KSR2: variants seen among roughly 807,000 people sequenced by gnomAD.
KSR2 encodes kinase suppressor of ras 2.
A neutral mutation model predicts 107.8 loss-of-function variants in KSR2; 25 were observed. That is an observed-to-expected ratio of 0.23 (90% CI 0.17 to 0.32). The LOEUF (loss-of-function observed/expected upper bound fraction) is 0.32, where lower values mean the gene tolerates loss of function less well. Among genes scored for constraint, KSR2 ranks in the 10% least tolerant of loss-of-function variants. The probability of loss-of-function intolerance (pLI) is 1.00; values close to 1 mark genes in which losing one functional copy is unlikely to be tolerated. For synonymous variants in KSR2, 480 were observed against 507.0 expected, an observed-to-expected ratio of 0.95 and a Z score of 0.71; for missense variants, 887 against 1,268.9, an observed-to-expected ratio of 0.70 and a Z score of 4.57.
chr12:117,738,076 A>G (rs1031767339), intron 4 of KSR2, among the ~76,000 whole-genome samples: 3 of 152,166 alleles, frequency 2.0e-5, no homozygotes, highest in Admixed American at 6.5e-5. Context: ...GTTATTGGGC[A>G]GAAGACAACA....
At chr12:117,911,417 A>G (rs1180177304) in intron 1 of KSR2, among the ~76,000 whole-genome samples, 1 of 152,128 alleles carries the variant, frequency 6.6e-6, no homozygotes, top group Non-Finnish European at 1.5e-5. Flanking sequence ...CATCCTATGG[A>G]GCAGACTTGA....
chr12:117,509,603 C>G (rs1451861984), intron 14 of KSR2, among the ~76,000 whole-genome samples: 1 of 152,100 alleles, frequency 6.6e-6, no homozygotes, highest in Non-Finnish European at 1.5e-5. Flanking sequence ...GAGATCAGAC[C>G]CAGGGAACTG....
intron 17 of KSR2, among the ~76,000 whole-genome samples, chr12:117,474,740 A>C (rs1197864538): frequency 6.6e-6 from 1 of 152,094 alleles, no homozygotes; most frequent in Non-Finnish European, 1.5e-5. Flanking sequence ...CTGTGGCTGC[A>C]GTTACCTATT....
chr12:117,805,408 G>A (rs1471120686), intron 3 of KSR2, among the ~76,000 whole-genome samples: 5 of 152,190 alleles, frequency 3.3e-5, no homozygotes, highest in Non-Finnish European at 1.5e-5. Context: ...TCATATAAAC[G>A]TGGGCAAGTT....
rs186077563 is a variant in KSR2, at chr12:117,566,631, C to T, written c.1326-8058G>A. ...ATTTTTAAGTCAAGAAGACTGGGGT[C>T]CAGTAACAAGCTCAGTCATTCAGAT... On this transcript the variant is annotated intron_variant, in intron 7 of 19. Transcript: ENST00000339824. Among the ~76,000 whole-genome samples the T allele has an allele frequency of 5.9e-3, 895 of 152,246 alleles. 5 individuals are homozygous for T. Among genetic ancestry groups the T allele is most frequent in the Non-Finnish European group, 7.9e-3 (537 of 68,032 alleles).
At chr12:117,695,540 T>C (rs1212619253) in intron 4 of KSR2, among the ~76,000 whole-genome samples, 1 of 52,720 alleles carries the variant, frequency 1.9e-5, no homozygotes, top group African/African-American at 6.8e-5. Flanking sequence ...ATCCCATTTC[T>C]ACAAAAAAAA....
At chr12:117,747,341 C>A (rs1314364239) in intron 4 of KSR2, among the ~76,000 whole-genome samples, 1 of 150,524 alleles carries the variant, frequency 6.6e-6, no homozygotes, top group Non-Finnish European at 1.5e-5. Flanking sequence ...AACAGAAAAC[C>A]AAACCACCAC....
chr12:117,493,027 G>C (rs547728768), intron 14 of KSR2, among the ~76,000 whole-genome samples: 1 of 152,242 alleles, frequency 6.6e-6, no homozygotes, highest in Admixed American at 6.5e-5. Context: ...TGTTCTTGTT[G>C]TTTGTTGTTT....
chr12:117,933,812 T>C (rs1593381666), intron 1 of KSR2, among the ~76,000 whole-genome samples: 1 of 152,108 alleles, frequency 6.6e-6, no homozygotes, highest in East Asian at 1.9e-4. Flanking sequence ...TCAGTAAAGT[T>C]ATGTAACTTG....
chr12:117,585,283 T>C (rs1879920637), intron 5 of KSR2, among the ~76,000 whole-genome samples: 1 of 152,192 alleles, frequency 6.6e-6, no homozygotes, highest in South Asian at 2.1e-4. Flanking sequence ...ATCCCCCAGA[T>C]GGTGCTTCTG....
intron 1 of KSR2, among the ~76,000 whole-genome samples, chr12:117,898,555 A>C (rs1894585922): frequency 6.6e-6 from 1 of 152,018 alleles, no homozygotes; most frequent in Non-Finnish European, 1.5e-5. Flanking sequence ...CCTGACCTCA[A>C]GTGATCCACC....
chr12:117,817,067 A>C (rs560608374), intron 3 of KSR2, among the ~76,000 whole-genome samples: 1 of 152,240 alleles, frequency 6.6e-6, no homozygotes, highest in Middle Eastern at 3.4e-3. Flanking sequence ...GTTTGCAATG[A>C]CCAGGCCAGG....
At chr12:117,574,380 T>C (rs1366868269) in intron 7 of KSR2, among the ~76,000 whole-genome samples, 1 of 152,028 alleles carries the variant, frequency 6.6e-6, no homozygotes, top group Non-Finnish European at 1.5e-5. Context: ...ATGCTGCCGA[T>C]AAAGACATCC....
chr12:117,867,162 A>G (rs1194405504), intron 1 of KSR2, among the ~76,000 whole-genome samples: 1 of 151,934 alleles, frequency 6.6e-6, no homozygotes, highest in Non-Finnish European at 1.5e-5. Context: ...CTAAAAATAC[A>G]AAAATGATCC....
At chr12:117,838,167 C>A (rs112616955) in intron 3 of KSR2, among the ~76,000 whole-genome samples, 3 of 152,164 alleles carry the variant, frequency 2.0e-5, no homozygotes, top group Non-Finnish European at 4.4e-5. Context: ...CCATGCATAA[C>A]GTTTTGGGTT....
intron 3 of KSR2, among the ~76,000 whole-genome samples, chr12:117,811,028 C>A (rs1891171681): frequency 6.6e-6 from 1 of 152,146 alleles, no homozygotes; most frequent in African/African-American, 2.4e-5. Context: ...CATCAAAAGA[C>A]CCATCAATTG....
intron 5 of KSR2, among the ~76,000 whole-genome samples, chr12:117,590,541 T>G (rs1017254725): frequency 1.3e-5 from 2 of 152,228 alleles, no homozygotes; most frequent in Non-Finnish European, 2.9e-5. Flanking sequence ...AAGTGCCTGA[T>G]GTAGTATTGT....
intron 1 of KSR2, among the ~76,000 whole-genome samples, chr12:117,954,832 A>G (rs549363436): frequency 6.6e-6 from 1 of 152,192 alleles, no homozygotes; most frequent in African/African-American, 2.4e-5. Flanking sequence ...CCTGGCTAAC[A>G]TGGTGAAACC....
In KSR2 at chr12:117,763,082, T is replaced by G. The variant is rs571601436; in HGVS notation, c.473-1558A>C. On this transcript the variant is annotated intron_variant, in intron 3 of 19. Coordinates refer to ENST00000339824, the MANE Select transcript of KSR2 (RefSeq NM_173598.6). ...CAGTCCCCAGAGTGTGATGTTCCCC[T>G]TCCTGTGTCCATGTGTTCTCATTGT... 8.9e-3 allele frequency among the ~76,000 whole-genome samples: 1,348 copies of G among 151,738 alleles called. 16 individuals carry two copies. Among genetic ancestry groups the G allele is most frequent in the African/African-American group, 0.031 (1,301 of 41,400 alleles).
Sources: gnomAD v4.1 joint callset for allele counts (sites outside exome capture counted in the v4.1 genomes callset) on GRCh38, gnomAD v4.1.1 for gene constraint, MANE v1.5 for transcripts, NCBI Gene and HGNC (gene_info 2026-07-23, HGNC 2026-07-21) for gene names.